Variants in GRIP1 observed in about 807,000 individuals in gnomAD.
The protein encoded by GRIP1 is glutamate receptor-interacting protein 1.
In GRIP1, 45 loss-of-function variants were observed where a neutral mutation model predicts 129.9. That is an observed-to-expected ratio of 0.35 (90% confidence interval 0.27 to 0.44). GRIP1 has a LOEUF of 0.44. Among genes scored for constraint, GRIP1 ranks in the 20% least tolerant of loss-of-function variants. The probability of loss-of-function intolerance (pLI) is 1.00; values close to 1 mark genes in which losing one functional copy is unlikely to be tolerated. For missense variants in GRIP1, 1,196 were observed against 1,396.8 expected (o/e 0.86, Z 2.29); for synonymous variants, 530 against 520.8 (o/e 1.02, Z -0.24).
intron 2 of GRIP1, among the ~76,000 whole-genome samples, chr12:66,555,895 AG>A (rs145197120): frequency 0.02 from 2,986 of 152,202 alleles, 112 homozygotes; most frequent in African/African-American, 0.069. Flanking sequence ...AGAATGAAAA[AG>A]GAATAAGGCA....
intron 1 of GRIP1, among the ~76,000 whole-genome samples, chr12:66,710,047 G>A (rs575721928): frequency 3.2e-4 from 48 of 152,006 alleles, no homozygotes; most frequent in African/African-American, 8.7e-4. Flanking sequence ...CTTTCACTGC[G>A]GTGATCACCT....
intron 1 of GRIP1, among the ~76,000 whole-genome samples, chr12:66,920,119 C>A: frequency 6.6e-6 from 1 of 151,972 alleles, no homozygotes; most frequent in East Asian, 1.9e-4. Context: ...AATAATAAAA[C>A]ACATAGAGAT....
At chr12:66,842,954 T>C (rs1389310804) in intron 1 of GRIP1, among the ~76,000 whole-genome samples, 2 of 152,122 alleles carry the variant, frequency 1.3e-5, no homozygotes, top group East Asian at 1.9e-4. Context: ...AGAATGAAGG[T>C]TGTTAAAGTT....
At chr12:66,620,966 C>A (rs1302662842) in intron 1 of GRIP1, among the ~76,000 whole-genome samples, 1 of 152,108 alleles carries the variant, frequency 6.6e-6, no homozygotes, top group Non-Finnish European at 1.5e-5. Flanking sequence ...TCTTCCAAAT[C>A]CCAGAGGCAA....
At position 66,396,712 on chromosome 12, in the gene GRIP1, C is replaced by A. The variant is rs557335649; in HGVS notation, c.1985-2360G>T. ...TAAGAAGGACACATTCCTGTGATTA[C>A]ATTGGGGTGGAAACAGGATGACATG... is the stretch of plus-strand genomic sequence containing the variant. On this transcript the variant is annotated intron_variant, in intron 16 of 24. Transcript: ENST00000359742. Among the ~76,000 whole-genome samples the A allele has an allele frequency of 3.3e-5, 5 of 152,236 alleles. No homozygotes were observed. In the East Asian group the frequency reaches 9.7e-4, roughly 29 times the overall value.
chr12:66,796,161 T>C (rs2038691021), intron 1 of GRIP1, among the ~76,000 whole-genome samples: 1 of 152,014 alleles, frequency 6.6e-6, no homozygotes, highest in Non-Finnish European at 1.5e-5. Context: ...GCAACAGCAG[T>C]CCTGCAAAAT....
chr12:66,526,080 C>G (rs1336849880), intron 5 of GRIP1, among the ~76,000 whole-genome samples: 2 of 151,824 alleles, frequency 1.3e-5, no homozygotes, highest in African/African-American at 4.8e-5. Flanking sequence ...TAGGAAGAAT[C>G]AACGTGAAAA....
chr12:66,722,292 T>C (rs891276317), intron 1 of GRIP1, among the ~76,000 whole-genome samples: 5 of 152,158 alleles, frequency 3.3e-5, no homozygotes, highest in African/African-American at 7.2e-5. Context: ...TTAGAGGTCA[T>C]TGCAGGATTA....
chr12:66,434,444 T>C (rs2058242453), intron 13 of GRIP1, among the ~76,000 whole-genome samples: 1 of 152,200 alleles, frequency 6.6e-6, no homozygotes, highest in Non-Finnish European at 1.5e-5. Flanking sequence ...AATCCACATA[T>C]ATTTATTTGT....
intron 24 of GRIP1, among the ~76,000 whole-genome samples, chr12:66,350,021 A>C (rs1334727720): frequency 6.6e-6 from 1 of 151,992 alleles, no homozygotes; most frequent in Non-Finnish European, 1.5e-5. Flanking sequence ...CCTACTTGTC[A>C]AATCCAGGAA....
At chr12:66,391,518 C>T (rs898903797) in intron 19 of GRIP1, among the ~76,000 whole-genome samples, 13 of 152,110 alleles carry the variant, frequency 8.5e-5, no homozygotes, top group African/African-American at 2.2e-4. Context: ...GAAAAATCTA[C>T]TCTATACTTT....
chr12:66,973,206 A>G (rs1041687293), intron 1 of GRIP1, among the ~76,000 whole-genome samples: 1 of 152,078 alleles, frequency 6.6e-6, no homozygotes, highest in Non-Finnish European at 1.5e-5. Context: ...TTATTTTTTC[A>G]GTAGAACCAT....
chr12:66,839,906 G>A (rs1187964499), intron 1 of GRIP1, among the ~76,000 whole-genome samples: 5 of 152,148 alleles, frequency 3.3e-5, no homozygotes, highest in Admixed American at 3.3e-4. Flanking sequence ...TCTCCGTATT[G>A]TCACCATTTA....
chr12:66,418,961 G>T (rs575571664), intron 15 of GRIP1, among the ~76,000 whole-genome samples: 1 of 152,124 alleles, frequency 6.6e-6, no homozygotes, highest in Non-Finnish European at 1.5e-5. Context: ...CAAAAGAAAG[G>T]AAATCTGTAT....
In GRIP1 at chr12:66,465,394, T is replaced by C; in HGVS notation, c.753A>G (p.Leu251=). ...MDSVATASGP[L]LVEVAKTPGA... is the part of the protein sequence containing the mutation. ...CAGGAGTTTTGGCAACTTCGACTAGTAGTGGCCCGGATGCTGTTGCCACAG... is the reference window on the plus strand; with the variant it reads ...CAGGAGTTTTGGCAACTTCGACTAGCAGTGGCCCGGATGCTGTTGCCACAG... Residue 251 remains leucine, a synonymous_variant, in exon 8 of 25, where the codon CTA becomes CTG. Transcript: ENST00000359742. 6.2e-7 allele frequency: 1 copy of C among 1,613,980 alleles called. No homozygotes were observed. Among genetic ancestry groups the C allele is most frequent in the South Asian group, 1.1e-5 (1 of 91,090 alleles).
chr12:66,401,241 G>T (rs1290040757), intron 16 of GRIP1, among the ~76,000 whole-genome samples: 1 of 151,826 alleles, frequency 6.6e-6, no homozygotes, highest in Non-Finnish European at 1.5e-5. Context: ...ACATTCATTG[G>T]GCCTCACTAG....
At chr12:66,643,714 C>T (rs1650404712) in intron 1 of GRIP1, among the ~76,000 whole-genome samples, 1 of 152,102 alleles carries the variant, frequency 6.6e-6, no homozygotes, top group Admixed American at 6.5e-5. Context: ...CAAGTGTGCA[C>T]CACCATGCCC....
intron 13 of GRIP1, among the ~76,000 whole-genome samples, chr12:66,434,085 A>G (rs1183505891): frequency 6.6e-6 from 1 of 152,198 alleles, no homozygotes; most frequent in African/African-American, 2.4e-5. Flanking sequence ...AAATTCAGGT[A>G]TTAAATGTCT....
rs117121663 is a variant in GRIP1, at chr12:66,735,747, G to A, written c.-420+68306C>T. 1.8e-4 allele frequency among the ~76,000 whole-genome samples: 28 copies of A among 152,142 alleles called. 2 individuals carry two copies. In the East Asian group the frequency reaches 5.4e-3, roughly 29 times the overall value. On this transcript the variant is annotated intron_variant, in intron 1 of 4. Coordinates refer to the GRIP1 transcript ENST00000538373. ...TGAGAAAATAGGCCAAATAAGCAGGGCAATCGATCATAAGTGGCGGGACTT... is the reference window on the plus strand; with the variant it reads ...TGAGAAAATAGGCCAAATAAGCAGGACAATCGATCATAAGTGGCGGGACTT...
Sources: gnomAD v4.1 joint callset for allele counts (sites outside exome capture counted in the v4.1 genomes callset) on GRCh38, gnomAD v4.1.1 for gene constraint, MANE v1.5 for transcripts, NCBI Gene and HGNC (gene_info 2026-07-23, HGNC 2026-07-21) for gene names.